Variants in ANKS1A observed in about 807,000 individuals in gnomAD.
The protein encoded by ANKS1A is ankyrin repeat and SAM domain-containing protein 1A.
Under a neutral mutation model 120.3 loss-of-function variants are expected in ANKS1A, and 55 were observed. That is an observed-to-expected ratio of 0.46 (90% confidence interval 0.37 to 0.57). The LOEUF (loss-of-function observed/expected upper bound fraction) is 0.57. ANKS1A is among the 20% of genes least tolerant of loss of function. The pLI, the probability that ANKS1A is intolerant of heterozygous loss-of-function variation, is 0.00. For synonymous variants in ANKS1A, 590 were observed against 604.7 expected (o/e 0.98, Z 0.36); for missense variants, 1,123 against 1,480.3 (o/e 0.76, Z 3.96).
At position 35,086,169 on chromosome 6, in the gene ANKS1A, C is replaced by A; in HGVS notation, c.3303+233C>A. 8.0e-7 allele frequency: 1 copy of A among 1,251,800 alleles called. No individual in the cohort carries two copies. Among genetic ancestry groups the A allele is most frequent in the Non-Finnish European group, 1.1e-6 (1 of 916,500 alleles). 77.5% of individuals were successfully genotyped at this position (1,251,800 alleles called of 1,614,324 possible). A position where few individuals can be genotyped will look rare whatever the true frequency, so the allele number is the denominator to read the frequency against. On this transcript the variant is annotated intron_variant, in intron 22 of 23. Coordinates refer to ENST00000360359, the MANE Select transcript of ANKS1A (RefSeq NM_015245.3). This position sits in a 1 kb window ranked among gnomAD's most constrained non-coding sequence, Gnocchi z 5.1. Reference sequence around the variant, plus strand: ...TGTTTCCCTCCCTCGCTGGGCTCCCCCAAGGGCAAGGCCGTCAAGGGGCTG... The same window carrying A: ...TGTTTCCCTCCCTCGCTGGGCTCCCACAAGGGCAAGGCCGTCAAGGGGCTG...
chr6:35,091,009 G>C lies in ANKS1A; in HGVS notation c.*2400G>C. ...CTCGGGTTTGAGCAGGGAGCAGGCAGAGCTGCAGTCAGAGACATTAGAAAA... is the reference window on the plus strand; with the variant it reads ...CTCGGGTTTGAGCAGGGAGCAGGCACAGCTGCAGTCAGAGACATTAGAAAA... On this transcript the variant is annotated 3_prime_UTR_variant, in exon 24 of 24. Transcript: ENST00000360359. The C allele has an allele frequency of 1.0e-6, 1 of 985,918 alleles. No homozygotes were observed. Among genetic ancestry groups the C allele is most frequent in the Non-Finnish European group, 1.2e-6 (1 of 829,960 alleles). The allele number at this position is 985,918 out of a possible 1,614,324, so 61.1% of individuals were successfully genotyped here.
At chr6:35,059,842 C>A (rs775599262) in intron 12 of ANKS1A, among the ~76,000 whole-genome samples, 1 of 152,172 alleles carries the variant, frequency 6.6e-6, no homozygotes, top group African/African-American at 2.4e-5. Context: ...TCCCCCACCC[C>A]CGACCTGTGG....
intron 1 of ANKS1A, among the ~76,000 whole-genome samples, chr6:34,922,697 T>TC (rs1554133775): frequency 6.7e-6 from 1 of 148,856 alleles, no homozygotes; most frequent in Admixed American, 6.7e-5. Flanking sequence ...GGCATTTCTT[T>TC]TTTTTTTTTT....
At chr6:34,950,141 C>A (rs984295398) in intron 1 of ANKS1A, among the ~76,000 whole-genome samples, 4 of 151,782 alleles carry the variant, frequency 2.6e-5, no homozygotes, top group Admixed American at 2.6e-4. Flanking sequence ...GATTATGCTA[C>A]TGCACCCTAA....
intron 11 of ANKS1A, among the ~76,000 whole-genome samples, chr6:35,027,952 G>A (rs897665900): frequency 1.1e-4 from 16 of 144,710 alleles, no homozygotes; most frequent in African/African-American, 4.0e-4. Context: ...GGCGCCACAG[G>A]GCCCACCTGT....
chr6:34,946,054 C>T (rs1455404615), intron 1 of ANKS1A, among the ~76,000 whole-genome samples: 1 of 150,730 alleles, frequency 6.6e-6, no homozygotes, highest in Non-Finnish European at 1.5e-5. Context: ...GATTTCGGCT[C>T]ACTGTAACCT....
In ANKS1A at chr6:35,091,026, A is replaced by C. The variant is rs1778277472; in HGVS notation, c.*2417A>C. 1 of 985,924 alleles carries C rather than the reference A, an allele frequency of 1.0e-6. No individual in the cohort carries two copies. Among genetic ancestry groups the C allele is most frequent in the East Asian group, 1.1e-4 (1 of 8,822 alleles). The allele number at this position is 985,924 out of a possible 1,614,324, so 61.1% of individuals were successfully genotyped here. ...AGCAGGCAGAGCTGCAGTCAGAGAC[A>C]TTAGAAAACCAGTCTGAATTGGGTC... On this transcript the variant is annotated 3_prime_UTR_variant, in exon 24 of 24. Transcript: ENST00000360359.
intron 1 of ANKS1A, among the ~76,000 whole-genome samples, chr6:34,922,187 A>G (rs1031113030): frequency 6.6e-6 from 1 of 152,152 alleles, no homozygotes; most frequent in Non-Finnish European, 1.5e-5. Context: ...TTGCTTGTTC[A>G]CTTATTATAT....
intron 12 of ANKS1A, among the ~76,000 whole-genome samples, chr6:35,056,349 G>C (rs533068332): frequency 1.6e-4 from 25 of 152,218 alleles, no homozygotes; most frequent in African/African-American, 5.8e-4. Context: ...AGTGCAGCGC[G>C]GTGATCTCCA....
rs767668135 is a variant in ANKS1A at position 35,085,911 on chromosome 6, C to T, written c.3278C>T (p.Pro1093Leu). 1.1e-5 allele frequency: 17 copies of T among 1,610,866 alleles called. No homozygotes were observed. The East Asian group carries it at 1.8e-4, about 17-fold the overall frequency. Residue 1093 changes from proline (P) to leucine (L), a missense_variant, in exon 22 of 24, where the codon CCT becomes CTT. Transcript: ENST00000360359. The surrounding 1 kb of genome is among the most constrained non-coding windows in gnomAD (Gnocchi z 4.7). ...ETKSSKPVPK[P>L]RVGVRKSALE... is the part of the protein sequence containing the mutation. ...AAATCTTCCAAACCGGTGCCTAAGC[C>T]TCGGGTCGGCGTGAGGAAATCCGCA...
Position 35,091,257 on chromosome 6 carries a change from A to G in ANKS1A, c.*2648A>G, listed in dbSNP as rs1778291894. On this transcript the variant is annotated 3_prime_UTR_variant, in exon 24 of 24. Transcript: ENST00000360359. ...AATTATAAACACTTTGAGGTACCAAACATAACCAATCTGTGCAACAACATA... is the reference window on the plus strand; with the variant it reads ...AATTATAAACACTTTGAGGTACCAAGCATAACCAATCTGTGCAACAACATA... The G allele has an allele frequency of 5.1e-6, 5 of 985,908 alleles. No homozygotes were observed. The highest frequency in any genetic ancestry group is 4.8e-6 in the Non-Finnish European group (4 of 829,950). 61.1% of individuals were successfully genotyped at this position (985,908 alleles called of 1,614,324 possible).
intron 14 of ANKS1A, 81 bp downstream of exon 14, chr6:35,078,737 G>A (rs1777501563): frequency 7.4e-7 from 1 of 1,347,660 alleles, no homozygotes; most frequent in Non-Finnish European, 1.0e-6. Context: ...AAGAACAGGG[G>A]AGGAGCAGGG....
intron 11 of ANKS1A, among the ~76,000 whole-genome samples, chr6:35,024,222 G>T (rs926230592): frequency 3.3e-5 from 5 of 152,160 alleles, no homozygotes; most frequent in African/African-American, 7.2e-5. Context: ...CTCTTGCACA[G>T]TGTGATGTAC....
chr6:34,890,227 G>T lies in ANKS1A; in HGVS notation c.197+628G>T, dbSNP rs552648895. On this transcript the variant is annotated intron_variant, in intron 1 of 23. Coordinates refer to ENST00000360359, the MANE Select transcript of ANKS1A (RefSeq NM_015245.3). Reference sequence around the variant, plus strand: ...CTGCCTCTGCCTCCCAAGTAGCTGGGATTACAGGCGCCCGCCACGACACCA... The same window carrying T: ...CTGCCTCTGCCTCCCAAGTAGCTGGTATTACAGGCGCCCGCCACGACACCA... 5.9e-5 allele frequency among the ~76,000 whole-genome samples: 9 copies of T among 152,148 alleles called. No homozygotes were observed. In the East Asian group the frequency reaches 1.7e-3, roughly 29 times the overall value.
chr6:34,988,310 A>G (rs369204055), intron 8 of ANKS1A, among the ~76,000 whole-genome samples: 2 of 152,342 alleles, frequency 1.3e-5, no homozygotes, highest in East Asian at 3.9e-4. Context: ...AAATGGGTTT[A>G]GATGGGCTGG....
At chr6:34,924,261 T>G (rs1450307414) in intron 1 of ANKS1A, among the ~76,000 whole-genome samples, 4 of 152,148 alleles carry the variant, frequency 2.6e-5, no homozygotes, top group African/African-American at 4.8e-5. Context: ...ATCTTCAAGT[T>G]TCTTGTTATG....
chr6:35,094,440 G>GAAAAAAAAAAAAAAAAAAAAAAA (rs35902442), downstream of ANKS1A, among the ~76,000 whole-genome samples: 1 of 118,876 alleles, frequency 8.4e-6, no homozygotes. Context: ...ACTTCGTCTG[G>GAAAAAAAAAAAAAAAAAAAAAAA]AAAAAAAAAA....
rs1768425620 is a variant in ANKS1A at position 34,921,384 on chromosome 6, T to TGTC, written c.197+31786_197+31788dup. Among the ~76,000 whole-genome samples the TGTC allele has an allele frequency of 3.9e-5, 6 of 152,336 alleles. No individual in the cohort carries two copies. In the South Asian group the frequency reaches 1.2e-3, roughly 32 times the overall value. On this transcript the variant is annotated intron_variant, in intron 1 of 23. Transcript: ENST00000360359. Reference sequence around the variant, plus strand: ...CACGGGCTTAGAAAGTAGGGTTTATTGTCCCTGTAGAAAGCCTTTAGATTA... The same window carrying TGTC: ...CACGGGCTTAGAAAGTAGGGTTTATTGTCGTCCCTGTAGAAAGCCTTTAGATTA...
intron 11 of ANKS1A, among the ~76,000 whole-genome samples, chr6:35,027,348 T>G (rs1774682606): frequency 6.6e-6 from 1 of 152,138 alleles, no homozygotes; most frequent in African/African-American, 2.4e-5. Context: ...GGCCCATAGG[T>G]AATTACAACC....
Sources: allele counts gnomAD v4.1 joint callset (sites outside exome capture counted in the v4.1 genomes callset), GRCh38; gene constraint gnomAD v4.1.1; non-coding constraint Gnocchi (gnomAD v3.1); transcripts MANE v1.5; gene names NCBI Gene and HGNC (gene_info 2026-07-23, HGNC 2026-07-21).